Variants in MS4A1 observed in about 807,000 individuals in gnomAD.
MS4A1 encodes the protein B-lymphocyte antigen CD20.
MS4A1 carries 16 observed loss-of-function variants against 26.5 expected under a neutral mutation model. The ratio of observed to expected loss-of-function variants is 0.60; its 90% CI spans 0.41 to 0.92. The LOEUF (loss-of-function observed/expected upper bound fraction) is 0.92, where lower values mean the gene tolerates loss of function less well. Ranked by LOEUF, MS4A1 falls within the 40% of genes least tolerant of loss-of-function variation. MS4A1 has a pLI of 0.00. For synonymous variants in MS4A1, 128 were observed against 117.6 expected (o/e 1.09, Z -0.57); for missense variants, 350 against 353.0 (o/e 0.99, Z 0.07).
intron 7 of MS4A1, among the ~76,000 whole-genome samples, chr11:60,467,926 C>T (rs1419706981): frequency 1.3e-5 from 2 of 152,026 alleles, no homozygotes; most frequent in South Asian, 2.1e-4. Flanking sequence ...AATTATTCTC[C>T]CAGAGTTATA....
chr11:60,461,781 A>C (rs1274383302), intron 2 of MS4A1, among the ~76,000 whole-genome samples: 1 of 151,562 alleles, frequency 6.6e-6, no homozygotes, highest in Non-Finnish European at 1.5e-5. Flanking sequence ...TGGCCTCCCA[A>C]AGTGCTTGGA....
intron 3 of MS4A1, 123 bp from the exon 4 acceptor site, chr11:60,462,879 T>C: frequency 6.9e-7 from 1 of 1,440,738 alleles, no homozygotes; most frequent in Non-Finnish European, 9.6e-7. Flanking sequence ...TCTTGGCACC[T>C]CCACTGCTTC....
intron 3 of MS4A1, among the ~76,000 whole-genome samples, chr11:60,462,747 T>G (rs548350690): frequency 1.1e-4 from 17 of 152,282 alleles, no homozygotes; most frequent in African/African-American, 3.1e-4. Context: ...CCTTTTGGTT[T>G]TGGGGCTTGT....
At chr11:60,462,139 G>C in intron 2 of MS4A1, 46 bp from the exon 3 acceptor site, 1 of 629,058 alleles carries the variant, frequency 1.6e-6, no homozygotes, top group Non-Finnish European at 3.0e-6. Context: ...AGGGACTCCT[G>C]GGCCCACATG....
In MS4A1 at chr11:60,462,430, G is replaced by A. The variant is rs1173252862; in HGVS notation, c.56G>A (p.Gly19Asp). The A allele has an allele frequency of 6.2e-7, 1 of 1,614,174 alleles. No individual in the cohort carries two copies. Among genetic ancestry groups the A allele is most frequent in the Non-Finnish European group, 8.5e-7 (1 of 1,180,034 alleles). The change falls in exon 3 of 8, where the codon GGC (glycine) becomes GAC (aspartate). Residue 19 changes from glycine (G) to aspartate (D), a missense_variant. Transcript: ENST00000345732. ...NGTFPAEPMKGPIAMQSGPKP... is the reference protein window; with the variant it reads ...NGTFPAEPMKDPIAMQSGPKP... Reference sequence around the variant, plus strand: ...ACTTTCCCGGCAGAGCCAATGAAAGGCCCTATTGCTATGCAATCTGGTCCA... The same window carrying A: ...ACTTTCCCGGCAGAGCCAATGAAAGACCCTATTGCTATGCAATCTGGTCCA...
intron 6 of MS4A1, chr11:60,466,490 C>A: frequency 2.8e-6 from 1 of 357,950 alleles, no homozygotes; most frequent in Non-Finnish European, 5.2e-6. Flanking sequence ...TAATATTTAC[C>A]ATTATATTAA....
At chr11:60,464,250 C>G in intron 4 of MS4A1, 38 bp from the exon 5 acceptor site, 1 of 1,427,228 alleles carries the variant, frequency 7.0e-7, no homozygotes, top group African/African-American at 1.4e-5. Context: ...CTGTCTTGCC[C>G]ACCCCCTCTC....
intron 1 of MS4A1, among the ~76,000 whole-genome samples, chr11:60,457,736 C>T (rs2086215850): frequency 6.6e-6 from 1 of 152,162 alleles, no homozygotes; most frequent in Non-Finnish European, 1.5e-5. Flanking sequence ...ACAGCACAGT[C>T]CTCAAAGACC....
intron 7 of MS4A1, 110 bp from the exon 8 acceptor site, chr11:60,468,140 G>C: frequency 9.6e-7 from 1 of 1,037,846 alleles, no homozygotes; most frequent in Non-Finnish European, 1.4e-6. Flanking sequence ...TATAATAAAT[G>C]ACATAAGTAG....
chr11:60,465,719 T>C (rs891740070), intron 5 of MS4A1: 39 of 580,444 alleles, frequency 6.7e-5, no homozygotes, highest in African/African-American at 6.2e-4. Context: ...GTGAATGAGA[T>C]AGGGAAGACT....
chr11:60,464,252 C>T (rs200611730), intron 4 of MS4A1, 36 bp from the exon 5 acceptor site: 1 of 1,329,118 alleles, frequency 7.5e-7, no homozygotes, highest in Non-Finnish European at 1.1e-6. Flanking sequence ...GTCTTGCCCA[C>T]CCCCTCTCCA....
chr11:60,463,970 T>C (rs1420122101), intron 4 of MS4A1: 3 of 417,378 alleles, frequency 7.2e-6, no homozygotes, highest in African/African-American at 6.0e-5. Context: ...AATAAAACTT[T>C]TAAATTTATG....
chr11:60,470,066 T>C lies in MS4A1; in HGVS notation c.*1598T>C, dbSNP rs1369515686. On this transcript the variant is annotated 3_prime_UTR_variant, in exon 8 of 8. Coordinates refer to ENST00000345732, the MANE Select transcript of MS4A1 (RefSeq NM_152866.3). The stretch of plus-strand genomic sequence containing the variant: ...TTGTGTTCTTTTCTGCAACAGATGA[T>C]TCCAACATGGGTGTTTGTCTATTCT... 1 of 152,124 alleles carries C rather than the reference T, an allele frequency of 6.6e-6. No homozygotes were observed. The highest frequency in any genetic ancestry group is 2.4e-5 in the African/African-American group (1 of 41,466). 9.4% of individuals were successfully genotyped at this position (152,124 alleles called of 1,614,324 possible). A position where few individuals can be genotyped will look rare whatever the true frequency, so the allele number is the denominator to read the frequency against.
rs202204878 is a variant in MS4A1, at chr11:60,467,028, G to A, written c.643G>A (p.Glu215Lys). 1.1e-5 allele frequency: 17 copies of A among 1,614,134 alleles called. No individual in the cohort carries two copies. The highest frequency in any genetic ancestry group is 2.2e-5 in the East Asian group (1 of 44,866). The change falls in exon 7 of 8, where the codon GAA becomes AAA. Residue 215 changes from glutamate to lysine, a missense_variant. By Grantham distance (56) the Glu-to-Lys change is moderately conservative. Coordinates refer to ENST00000345732, the MANE Select transcript of MS4A1 (RefSeq NM_152866.3). The part of the protein sequence containing the change: ...ELVIAGIVEN[E>K]WKRTCSRPKS... ...TGTAATAGCTGGCATCGTTGAGAAT[G>A]AATGGAAAAGAACGTGCTCCAGACC...
At chr11:60,459,020 G>C (rs2086226941) in intron 1 of MS4A1, among the ~76,000 whole-genome samples, 1 of 152,052 alleles carries the variant, frequency 6.6e-6, no homozygotes, top group African/African-American at 2.4e-5. Context: ...ATTGCCATTA[G>C]TTACAACAGG....
chr11:60,466,960 G>A lies in MS4A1; in HGVS notation c.575G>A (p.Gly192Asp), dbSNP rs1484020245. The change falls in exon 7 of 8, where the codon GGC becomes GAC. Residue 192 changes from glycine to aspartate, a missense_variant and splice_region_variant. By Grantham distance (94) the Gly-to-Asp change is moderately conservative. Transcript: ENST00000345732. ...YCYSIQSLFLGILSVMLIFAF... is the reference protein window; with the variant it reads ...YCYSIQSLFLDILSVMLIFAF... ...CTTCATTCTTCTGTTGTTTTTCAGG[G>A]CATTTTGTCAGTGATGCTGATCTTT... 6.2e-7 allele frequency: 1 copy of A among 1,613,834 alleles called. No individual in the cohort carries two copies. The highest frequency in any genetic ancestry group is 1.1e-5 in the South Asian group (1 of 91,074).
At chr11:60,464,391 A>AT (rs764382256) in intron 5 of MS4A1, 47 bp downstream of exon 5, 3 of 1,577,932 alleles carry the variant, frequency 1.9e-6, no homozygotes, top group South Asian at 1.1e-5. Context: ...AGAAGTACCT[A>AT]TTTTTTTCGG....
chr11:60,466,598 C>G (rs1006617342), intron 6 of MS4A1: 2 of 324,572 alleles, frequency 6.2e-6, no homozygotes, highest in African/African-American at 4.3e-5. Context: ...AAAAATGCAT[C>G]TCCCAAGGAT....
intron 3 of MS4A1, 92 bp downstream of exon 3, chr11:60,462,625 T>C (rs942328318): frequency 1.3e-6 from 2 of 1,541,602 alleles, no homozygotes; most frequent in South Asian, 1.1e-5. Context: ...TCAATCCAAT[T>C]TGAAGAATTG....
Sources: gnomAD v4.1 joint callset for allele counts (sites outside exome capture counted in the v4.1 genomes callset) on GRCh38, gnomAD v4.1.1 for gene constraint, MANE v1.5 for transcripts, NCBI Gene and HGNC (gene_info 2026-07-23, HGNC 2026-07-21) for gene names.